NLGN1: variants seen among roughly 807,000 people sequenced by gnomAD.
NLGN1 encodes the protein neuroligin 1.
A neutral mutation model predicts 65.5 loss-of-function variants in NLGN1; 12 were observed. The observed-to-expected ratio is 0.18, with a 90% CI of 0.12 to 0.30. The LOEUF is 0.30. Ranked by LOEUF, NLGN1 falls within the 10% of genes least tolerant of loss-of-function variation. The pLI is 1.00. For missense variants in NLGN1, 750 were observed against 1,007.1 expected, an observed-to-expected ratio of 0.74 and a Z score of 3.46; for synonymous variants, 350 against 359.5, an observed-to-expected ratio of 0.97 and a Z score of 0.30.
chr3:173,549,149 A>G (rs1740423518), intron 2 of NLGN1, among the ~76,000 whole-genome samples: 1 of 151,914 alleles, frequency 6.6e-6, no homozygotes, highest in African/African-American at 2.4e-5. Context: ...GTGGATTGAA[A>G]TAGTTTGTAA....
intron 3 of NLGN1, among the ~76,000 whole-genome samples, chr3:173,662,085 T>G (rs1344976106): frequency 6.6e-6 from 1 of 152,060 alleles, no homozygotes; most frequent in East Asian, 1.9e-4. Flanking sequence ...CTTATAATTC[T>G]CTTCCCCTTC....
At chr3:174,182,733 A>G (rs1012508268) in intron 4 of NLGN1, among the ~76,000 whole-genome samples, 2 of 152,154 alleles carry the variant, frequency 1.3e-5, no homozygotes, top group Non-Finnish European at 2.9e-5. Flanking sequence ...AAAACTCTCC[A>G]TGTAAGAGAA....
intron 4 of NLGN1, among the ~76,000 whole-genome samples, chr3:173,828,711 A>G (rs1260622771): frequency 1.3e-5 from 2 of 152,136 alleles, no homozygotes; most frequent in African/African-American, 2.4e-5. Context: ...AAGGCTTTTG[A>G]GTAAAGACGT....
intron 3 of NLGN1, among the ~76,000 whole-genome samples, chr3:173,714,339 G>T (rs1399302705): frequency 6.6e-6 from 1 of 152,086 alleles, no homozygotes; most frequent in Non-Finnish European, 1.5e-5. Flanking sequence ...TCTTTGGAGG[G>T]TTAATTGGGT....
intron 2 of NLGN1, among the ~76,000 whole-genome samples, chr3:173,539,634 A>AGATATAT (rs778238799): frequency 1.5e-5 from 2 of 131,592 alleles, no homozygotes; most frequent in Non-Finnish European, 3.1e-5. Context: ...TTATATATAC[A>AGATATAT]CATATATACA....
chr3:173,977,129 A>G (rs865842493), intron 4 of NLGN1, among the ~76,000 whole-genome samples: 47 of 151,662 alleles, frequency 3.1e-4, no homozygotes, highest in Admixed American at 2.8e-3. Flanking sequence ...ACACGCACAC[A>G]CACACACACC....
chr3:174,165,315 A>T (rs1727296571), intron 4 of NLGN1, among the ~76,000 whole-genome samples: 1 of 152,052 alleles, frequency 6.6e-6, no homozygotes, highest in Non-Finnish European at 1.5e-5. Flanking sequence ...TTGCCCATTC[A>T]GTATGATATT....
At chr3:173,654,781 A>G (rs955346804) in intron 3 of NLGN1, among the ~76,000 whole-genome samples, 2 of 152,170 alleles carry the variant, frequency 1.3e-5, no homozygotes, top group Non-Finnish European at 2.9e-5. Flanking sequence ...CTGCAAGAGG[A>G]TTCTTCAGGC....
chr3:174,255,129 C>G (rs915554486), intron 4 of NLGN1, among the ~76,000 whole-genome samples: 1 of 152,022 alleles, frequency 6.6e-6, no homozygotes, highest in East Asian at 1.9e-4. Flanking sequence ...TGAAGTACTC[C>G]CAAAAAACGT....
At chr3:173,448,161 C>T (rs1357128280) in intron 2 of NLGN1, among the ~76,000 whole-genome samples, 1 of 152,026 alleles carries the variant, frequency 6.6e-6, no homozygotes, top group Non-Finnish European at 1.5e-5. Context: ...GGAATGCTTC[C>T]AGTTTTTGTC....
chr3:173,775,069 GT>G (rs1485309389), intron 3 of NLGN1, among the ~76,000 whole-genome samples: 2 of 152,150 alleles, frequency 1.3e-5, no homozygotes, highest in African/African-American at 2.4e-5. Context: ...CAATAAAATA[GT>G]TTTTTATTTC....
intron 4 of NLGN1, among the ~76,000 whole-genome samples, chr3:174,066,542 C>G (rs1738602933): frequency 7.1e-6 from 1 of 140,214 alleles, no homozygotes; most frequent in South Asian, 2.3e-4. Flanking sequence ...CTCTCTCTCT[C>G]TCTCTCTCTC....
chr3:173,616,643 C>A (rs1346806203), intron 3 of NLGN1, among the ~76,000 whole-genome samples: 1 of 152,106 alleles, frequency 6.6e-6, no homozygotes, highest in Non-Finnish European at 1.5e-5. Flanking sequence ...ACATTCAGGA[C>A]ACCTGCAGAC....
chr3:173,708,339 A>G (rs187756807), intron 3 of NLGN1, among the ~76,000 whole-genome samples: 1 of 152,242 alleles, frequency 6.6e-6, no homozygotes, highest in Non-Finnish European at 1.5e-5. Flanking sequence ...TTGCCTGATC[A>G]GTTTCCTTTT....
In NLGN1 at chr3:173,778,031, C is replaced by T. The variant is rs185167918; in HGVS notation, c.494-29649C>T. Reference sequence around the variant, plus strand: ...AAGTACTATAACCCAATGAAGCACTCATCAAATTCACTTTTCACTTGAAGT... The same window carrying T: ...AAGTACTATAACCCAATGAAGCACTTATCAAATTCACTTTTCACTTGAAGT... On this transcript the variant is annotated intron_variant, in intron 3 of 6. Coordinates refer to ENST00000457714, the Ensembl canonical transcript of NLGN1. 2.1e-3 allele frequency among the ~76,000 whole-genome samples: 314 copies of T among 151,902 alleles called. 4 individuals are homozygous for T. Among genetic ancestry groups the T allele is most frequent in the Non-Finnish European group, 2.9e-3 (197 of 67,744 alleles).
chr3:174,082,874 C>G (rs918466945), intron 4 of NLGN1, among the ~76,000 whole-genome samples: 1 of 152,032 alleles, frequency 6.6e-6, no homozygotes, highest in Non-Finnish European at 1.5e-5. Flanking sequence ...GCATGCACCA[C>G]CACGCCCGGC....
intron 2 of NLGN1, among the ~76,000 whole-genome samples, chr3:173,552,014 C>G (rs1188434090): frequency 6.6e-6 from 1 of 152,180 alleles, no homozygotes; most frequent in Non-Finnish European, 1.5e-5. Context: ...CATTCAGGAG[C>G]TGGCTACTGT....
intron 4 of NLGN1, among the ~76,000 whole-genome samples, chr3:173,869,985 A>T (rs958911938): frequency 6.6e-6 from 1 of 152,176 alleles, no homozygotes; most frequent in Non-Finnish European, 1.5e-5. Context: ...CTTCATTGCT[A>T]GCTCTGATGT....
intron 3 of NLGN1, among the ~76,000 whole-genome samples, chr3:173,674,276 G>A (rs1043169249): frequency 1.3e-5 from 2 of 152,074 alleles, no homozygotes; most frequent in Non-Finnish European, 2.9e-5. Flanking sequence ...TAGTAAAATG[G>A]CCTTGTCTAA....
Sources: allele counts gnomAD v4.1 joint callset (sites outside exome capture counted in the v4.1 genomes callset), GRCh38; gene constraint gnomAD v4.1.1; transcripts MANE v1.5; gene names NCBI Gene and HGNC (gene_info 2026-07-23, HGNC 2026-07-21).